NOS1: variants seen among roughly 807,000 people sequenced by gnomAD.
NOS1 encodes nitric oxide synthase 1.
Under a neutral mutation model 164.5 loss-of-function variants are expected in NOS1, and 51 were observed. That is an observed-to-expected ratio of 0.31 (90% confidence interval 0.25 to 0.39). NOS1 has a LOEUF of 0.39. Among genes scored for constraint, NOS1 ranks in the 10% least tolerant of loss-of-function variants. The pLI is 1.00. For missense variants in NOS1, 1,362 were observed against 1,885.6 expected, an observed-to-expected ratio of 0.72 and a Z score of 5.14; for synonymous variants, 719 against 745.8, an observed-to-expected ratio of 0.96 and a Z score of 0.59.
chr12:117,239,318 T>G (rs935089155), intron 20 of NOS1, among the ~76,000 whole-genome samples: 1 of 152,206 alleles, frequency 6.6e-6, no homozygotes, highest in Admixed American at 6.6e-5. Context: ...TCTCCTGCCT[T>G]TCTAAAGCCC....
intron 1 of NOS1, among the ~76,000 whole-genome samples, chr12:117,333,948 TC>T (rs1416486746): frequency 6.6e-6 from 1 of 152,154 alleles, no homozygotes; most frequent in Non-Finnish European, 1.5e-5. Context: ...CTCTTGAGCA[TC>T]CCGTTTGGCA....
At chr12:117,261,433 A>G (rs1871902204) in intron 13 of NOS1, among the ~76,000 whole-genome samples, 1 of 152,090 alleles carries the variant, frequency 6.6e-6, no homozygotes, top group Non-Finnish European at 1.5e-5. Flanking sequence ...TATGGAATGC[A>G]GCTGTCATAG....
At chr12:117,291,350 C>A (rs1873042274) in intron 3 of NOS1, among the ~76,000 whole-genome samples, 1 of 152,172 alleles carries the variant, frequency 6.6e-6, no homozygotes, top group Non-Finnish European at 1.5e-5. Flanking sequence ...TTACCGTCCC[C>A]TCTGTCTTGA....
chr12:117,244,129 T>C (rs569335068), intron 18 of NOS1, among the ~76,000 whole-genome samples: 1 of 151,940 alleles, frequency 6.6e-6, no homozygotes, highest in Admixed American at 6.6e-5. Context: ...TATTTAAGAA[T>C]TACATAAAGG....
At chr12:117,258,705 C>T (rs1189913742) in intron 15 of NOS1, among the ~76,000 whole-genome samples, 1 of 152,160 alleles carries the variant, frequency 6.6e-6, no homozygotes, top group Non-Finnish European at 1.5e-5. Flanking sequence ...TTGGAGCCTT[C>T]CTTCTATAAA....
intron 2 of NOS1, among the ~76,000 whole-genome samples, chr12:117,314,518 G>A (rs1874586052): frequency 6.6e-6 from 1 of 152,212 alleles, no homozygotes. Flanking sequence ...TGAACCCAGA[G>A]GGGTTATGTA....
intron 9 of NOS1, among the ~76,000 whole-genome samples, chr12:117,275,261 A>T (rs139037157): frequency 4.6e-5 from 7 of 152,012 alleles, no homozygotes; most frequent in African/African-American, 1.7e-4. Context: ...TGGAGTCATG[A>T]ACTCCAAATT....
Position 117,280,531 on chromosome 12 carries a change from C to T in NOS1, c.1524+194G>A, listed in dbSNP as rs3782201. 6.7e-3 allele frequency among the ~76,000 whole-genome samples: 1,025 copies of T among 152,254 alleles called. 72 individuals are homozygous for T. In the East Asian group the frequency reaches 0.17, roughly 26 times the overall value. ...TCAGGAGGGCTGAGTGAGGTAATGG[C>T]ATGAAAGTGACCAAATGTCCAGCTG... On this transcript the variant is annotated intron_variant, in intron 8 of 28. Transcript: ENST00000317775.
Position 117,211,299 on chromosome 12 carries a change from A to G in NOS1, c.*4010T>C, listed in dbSNP as rs1956523873. 4.1e-6 allele frequency: 4 copies of G among 984,926 alleles called. No individual in the cohort carries two copies. The highest frequency in any genetic ancestry group is 1.2e-4 in the Admixed American group (2 of 16,210). The allele number at this position is 984,926 out of a possible 1,614,324, so 61.0% of individuals were successfully genotyped here. On this transcript the variant is annotated 3_prime_UTR_variant, in exon 29 of 29. Coordinates refer to ENST00000317775, the MANE Select transcript of NOS1 (RefSeq NM_000620.5). ...TTCTCCTTTATTCTCACCCTCTACA[A>G]TGGATGGGGTGCCAGGTACGCTGAT... is the stretch of plus-strand genomic sequence containing the variant.
Position 117,209,924 on chromosome 12 carries a change from TCCCTCAGA to T in NOS1, c.*5377_*5384del. Reference sequence around the variant, plus strand: ...TTGACTCCCTGGGAGGCAGGCCCCTTCCCTCAGACCCTCAGACCTGTGTTTCCTTAATC... The same window carrying T: ...TTGACTCCCTGGGAGGCAGGCCCCTTCCCTCAGACCTGTGTTTCCTTAATC... On this transcript the variant is annotated 3_prime_UTR_variant, in exon 29 of 29. Coordinates refer to ENST00000317775, the MANE Select transcript of NOS1 (RefSeq NM_000620.5). 2 of 985,524 alleles carry T rather than the reference TCCCTCAGA, an allele frequency of 2.0e-6. No individual in the cohort carries two copies. The highest frequency in any genetic ancestry group is 2.4e-6 in the Non-Finnish European group (2 of 829,986). The allele number at this position is 985,524 out of a possible 1,614,324, so 61.0% of individuals were successfully genotyped here. A position where few individuals can be genotyped will look rare whatever the true frequency, so the allele number is the denominator to read the frequency against.
intron 10 of NOS1, among the ~76,000 whole-genome samples, chr12:117,271,455 T>G (rs1872784412): frequency 1.3e-5 from 2 of 152,150 alleles, no homozygotes; most frequent in Non-Finnish European, 2.9e-5. Flanking sequence ...TTTTTGTATT[T>G]TTAGTAGAGA....
At chr12:117,312,683 G>A (rs1441299264) in intron 2 of NOS1, among the ~76,000 whole-genome samples, 3 of 150,516 alleles carry the variant, frequency 2.0e-5, no homozygotes, top group East Asian at 3.9e-4. Flanking sequence ...CCAGCCTCCT[G>A]AAGTGCTGAG....
At chr12:117,344,222 C>T (rs1405852492) in intron 1 of NOS1, among the ~76,000 whole-genome samples, 1 of 152,186 alleles carries the variant, frequency 6.6e-6, no homozygotes, top group African/African-American at 2.4e-5. Flanking sequence ...CACAGGTCTG[C>T]TTTCATCTGC....
Position 117,210,738 on chromosome 12 carries a change from T to C in NOS1, c.*4571A>G. 2 of 985,380 alleles carry C rather than the reference T, an allele frequency of 2.0e-6. No homozygotes were observed. Among genetic ancestry groups the C allele is most frequent in the Non-Finnish European group, 2.4e-6 (2 of 829,946 alleles). 61.0% of individuals were successfully genotyped at this position (985,380 alleles called of 1,614,324 possible). Reference sequence around the variant, plus strand: ...CCAGAGCAGGCAGCTGCTGAAAGCGTGTTTGGTCAGAAGATTCTGTGTTCT... The same window carrying C: ...CCAGAGCAGGCAGCTGCTGAAAGCGCGTTTGGTCAGAAGATTCTGTGTTCT... On this transcript the variant is annotated 3_prime_UTR_variant, in exon 29 of 29. Transcript: ENST00000317775.
chr12:117,360,433 G>GC (rs995717455), intron 1 of NOS1, among the ~76,000 whole-genome samples: 2 of 152,236 alleles, frequency 1.3e-5, no homozygotes, highest in Non-Finnish European at 2.9e-5. Context: ...CCACTGCCCA[G>GC]CCCCGAACCG....
At chr12:117,259,760 T>C (rs1319046492) in intron 14 of NOS1, among the ~76,000 whole-genome samples, 1 of 152,190 alleles carries the variant, frequency 6.6e-6, no homozygotes, top group Non-Finnish European at 1.5e-5. Flanking sequence ...TATCCTCGCC[T>C]CTTTTGGAGA....
chr12:117,340,388 C>T (rs1329021069), intron 1 of NOS1, among the ~76,000 whole-genome samples: 1 of 152,168 alleles, frequency 6.6e-6, no homozygotes, highest in African/African-American at 2.4e-5. Context: ...TGATTCTCTA[C>T]TTGGCTTTGT....
At position 117,234,464 on chromosome 12, in the gene NOS1, C is replaced by T. The variant is rs1229182815; in HGVS notation, c.3235+101G>A. 4 of 1,264,640 alleles carry T rather than the reference C, an allele frequency of 3.2e-6. No homozygotes were observed. The highest frequency in any genetic ancestry group is 4.4e-6 in the Non-Finnish European group (4 of 905,732). 78.3% of individuals were successfully genotyped at this position (1,264,640 alleles called of 1,614,324 possible). On this transcript the variant is annotated intron_variant, in intron 21 of 28. Transcript: ENST00000317775. The surrounding 1 kb of genome is among the most constrained non-coding windows in gnomAD (Gnocchi z 4.3). ...GCTGTTAGCAACAGACACCCACTCT[C>T]CTGCCTGGACTGGTGATTGGGAAGA...
chr12:117,215,207 G>A lies in NOS1; in HGVS notation c.*102C>T, dbSNP rs1040745267. 44 of 1,382,308 alleles carry A rather than the reference G, an allele frequency of 3.2e-5. No homozygotes were observed. Among genetic ancestry groups the A allele is most frequent in the Non-Finnish European group, 4.2e-5 (44 of 1,057,318 alleles). 85.6% of individuals were successfully genotyped at this position (1,382,308 alleles called of 1,614,324 possible). On this transcript the variant is annotated 3_prime_UTR_variant, in exon 29 of 29. Transcript: ENST00000317775. ...AGGGAAACCAGGGCACAGCGACAAG[G>A]ACAGGAGGCAGAGCGAGGGCCACAG...
Sources: gnomAD v4.1 joint callset for allele counts (sites outside exome capture counted in the v4.1 genomes callset) on GRCh38, gnomAD v4.1.1 for gene constraint, Gnocchi (gnomAD v3.1) non-coding constraint, MANE v1.5 for transcripts, NCBI Gene and HGNC (gene_info 2026-07-23, HGNC 2026-07-21) for gene names.